Variants in PELI2 observed in about 807,000 individuals in gnomAD.
PELI2 encodes E3 ubiquitin-protein ligase pellino homolog 2.
In PELI2, 23 loss-of-function variants were observed where a neutral mutation model predicts 42.3. The ratio of observed to expected loss-of-function variants is 0.54; its 90% confidence interval spans 0.39 to 0.77. The LOEUF is 0.77. PELI2 is among the 30% of genes least tolerant of loss of function. The probability of loss-of-function intolerance (pLI) is 0.00; values close to 1 mark genes in which losing one functional copy is unlikely to be tolerated. For synonymous variants in PELI2, 245 were observed against 212.2 expected, an observed-to-expected ratio of 1.15 and a Z score of -1.34; for missense variants, 463 against 553.2, an observed-to-expected ratio of 0.84 and a Z score of 1.64.
Position 56,119,895 on chromosome 14 carries a change from T to C in PELI2, c.77+1158T>C, listed in dbSNP as rs1191200293. The C allele has an allele frequency of 4.1e-6, 4 of 971,216 alleles. No individual in the cohort carries two copies. The East Asian group carries it at 3.4e-4, about 83-fold the overall frequency. 60.2% of individuals were successfully genotyped at this position (971,216 alleles called of 1,614,324 possible). The stretch of plus-strand genomic sequence containing the variant: ...TAGCACACATATGAGGAGTCATGGC[T>C]GTGGGAAGACTCAGGGAACTTTGCA... On this transcript the variant is annotated intron_variant, in intron 1 of 5. Transcript: ENST00000267460.
intron 2 of PELI2, among the ~76,000 whole-genome samples, chr14:56,195,999 C>T (rs1248828850): frequency 2.0e-5 from 3 of 152,078 alleles, no homozygotes; most frequent in Admixed American, 2.0e-4. Flanking sequence ...CATTACTGGG[C>T]GTGGGTAGAG....
rs1889706528 is a variant in PELI2 at position 56,288,263 on chromosome 14, T to TA, written c.310-173dup. On this transcript the variant is annotated intron_variant, in intron 3 of 5. Coordinates refer to ENST00000267460, the MANE Select transcript of PELI2 (RefSeq NM_021255.3). This position sits in a 1 kb window ranked among gnomAD's most constrained non-coding sequence, Gnocchi z 4.6. Reference sequence around the variant, plus strand: ...TATCTCTAATATTTGGTTACCCTAATATCTTCCCTAGTTAAATAGGAAAAG... The same window carrying TA: ...TATCTCTAATATTTGGTTACCCTAATAATCTTCCCTAGTTAAATAGGAAAAG... Among the ~76,000 whole-genome samples, 1 of 152,228 alleles carries TA rather than the reference T, an allele frequency of 6.6e-6. No homozygotes were observed. Among genetic ancestry groups the TA allele is most frequent in the African/African-American group, 2.4e-5 (1 of 41,450 alleles).
At chr14:56,192,960 T>A (rs1886004868) in intron 2 of PELI2, among the ~76,000 whole-genome samples, 1 of 152,204 alleles carries the variant, frequency 6.6e-6, no homozygotes, top group Non-Finnish European at 1.5e-5. Context: ...TTCTTCATTT[T>A]AAAAAGCTGC....
intron 2 of PELI2, among the ~76,000 whole-genome samples, chr14:56,228,528 C>G (rs1215516018): frequency 6.6e-6 from 1 of 152,070 alleles, no homozygotes; most frequent in African/African-American, 2.4e-5. Flanking sequence ...TATTCAGTAA[C>G]TTTATTATGG....
At chr14:56,210,964 G>A (rs1159417497) in intron 2 of PELI2, among the ~76,000 whole-genome samples, 10 of 152,116 alleles carry the variant, frequency 6.6e-5, no homozygotes, top group Non-Finnish European at 1.3e-4. Flanking sequence ...TTGGTGGTAG[G>A]TATTGCTCCC....
chr14:56,234,000 A>C (rs1887687977), intron 2 of PELI2, among the ~76,000 whole-genome samples: 1 of 152,256 alleles, frequency 6.6e-6, no homozygotes, highest in Non-Finnish European at 1.5e-5. Context: ...ACATGAAAAA[A>C]TGCTCATCAT....
chr14:56,214,278 A>G (rs564391079), intron 2 of PELI2, among the ~76,000 whole-genome samples: 4 of 152,114 alleles, frequency 2.6e-5, no homozygotes, highest in South Asian at 4.2e-4. Flanking sequence ...GGGGGAGGGG[A>G]GAGAGGGTAG....
chr14:56,130,520 A>G (rs914514991), intron 1 of PELI2, among the ~76,000 whole-genome samples: 1 of 152,064 alleles, frequency 6.6e-6, no homozygotes, highest in African/African-American at 2.4e-5. Flanking sequence ...CACTCATTCA[A>G]AGAAGTTACC....
intron 1 of PELI2, among the ~76,000 whole-genome samples, chr14:56,156,546 G>C (rs1449986046): frequency 6.6e-6 from 1 of 152,152 alleles, no homozygotes; most frequent in East Asian, 1.9e-4. Flanking sequence ...CTGATTGGCT[G>C]TGTGACCTTG....
intron 2 of PELI2, among the ~76,000 whole-genome samples, chr14:56,229,827 A>G (rs1332813244): frequency 1.3e-5 from 2 of 152,218 alleles, no homozygotes; most frequent in African/African-American, 4.8e-5. Context: ...GTTCAAACCC[A>G]TTGCAAAGAT....
chr14:56,187,114 G>A (rs570322940), intron 2 of PELI2, among the ~76,000 whole-genome samples: 2 of 152,294 alleles, frequency 1.3e-5, no homozygotes, highest in East Asian at 1.9e-4. Flanking sequence ...AGCCAGGTGC[G>A]CTACCCAGGA....
At chr14:56,196,747 G>C (rs767605186) in intron 2 of PELI2, among the ~76,000 whole-genome samples, 1 of 152,254 alleles carries the variant, frequency 6.6e-6, no homozygotes, top group East Asian at 1.9e-4. Flanking sequence ...TATTAACTAC[G>C]TGATATTTAA....
chr14:56,236,732 CCTT>C (rs1887809356), intron 2 of PELI2, among the ~76,000 whole-genome samples: 1 of 152,166 alleles, frequency 6.6e-6, no homozygotes, highest in Non-Finnish European at 1.5e-5. Flanking sequence ...ACCACCCTCC[CCTT>C]CCCTGGGGAG....
intron 2 of PELI2, among the ~76,000 whole-genome samples, chr14:56,240,859 A>T (rs1887949570): frequency 7.8e-6 from 1 of 128,472 alleles, no homozygotes; most frequent in African/African-American, 2.6e-5. Flanking sequence ...GATTAGACCC[A>T]GTTGCCTTCT....
At chr14:56,120,474 G>A (rs1205737014) in intron 1 of PELI2, among the ~76,000 whole-genome samples, 2 of 152,200 alleles carry the variant, frequency 1.3e-5, no homozygotes, top group Admixed American at 1.3e-4. Context: ...GATTGTCCTA[G>A]TATCATAGTC....
intron 2 of PELI2, among the ~76,000 whole-genome samples, chr14:56,188,316 A>G (rs1885843005): frequency 6.6e-6 from 1 of 152,200 alleles, no homozygotes. Context: ...GTCAATAACT[A>G]ATGGATTGGT....
chr14:56,233,169 C>T (rs1479248261), intron 2 of PELI2, among the ~76,000 whole-genome samples: 1 of 152,136 alleles, frequency 6.6e-6, no homozygotes, highest in Admixed American at 6.5e-5. Context: ...CGTGAAATGG[C>T]CATACTGCCC....
chr14:56,153,039 G>A (rs1884421135), intron 1 of PELI2, among the ~76,000 whole-genome samples: 1 of 152,138 alleles, frequency 6.6e-6, no homozygotes, highest in Non-Finnish European at 1.5e-5. Context: ...ATGATTCTGT[G>A]TGCCATGATA....
At chr14:56,137,873 T>C (rs962178457) in intron 1 of PELI2, among the ~76,000 whole-genome samples, 7 of 152,200 alleles carry the variant, frequency 4.6e-5, no homozygotes, top group Non-Finnish European at 1.0e-4. Flanking sequence ...ATGTCACATA[T>C]TTCAGTTTGA....
Sources: gnomAD v4.1 joint callset for allele counts (sites outside exome capture counted in the v4.1 genomes callset) on GRCh38, gnomAD v4.1.1 for gene constraint, Gnocchi (gnomAD v3.1) non-coding constraint, MANE v1.5 for transcripts, NCBI Gene and HGNC (gene_info 2026-07-23, HGNC 2026-07-21) for gene names.